The following ZFPM2 variants were observed in gnomAD, a reference collection of about 807,000 sequenced individuals.
ZFPM2 encodes zinc finger protein ZFPM2.
ZFPM2 carries 20 observed loss-of-function variants against 98.6 expected under a neutral mutation model. The observed-to-expected ratio is 0.20, with a 90% confidence interval of 0.14 to 0.29. The LOEUF is 0.29. Among genes scored for constraint, ZFPM2 ranks in the 10% least tolerant of loss-of-function variants. The pLI is 1.00. For synonymous variants in ZFPM2, 518 were observed against 502.7 expected, an observed-to-expected ratio of 1.03 and a Z score of -0.41; for missense variants, 1,310 against 1,388.6, an observed-to-expected ratio of 0.94 and a Z score of 0.90.
chr8:105,611,440 T>C (rs992155499), intron 4 of ZFPM2, among the ~76,000 whole-genome samples: 1 of 152,098 alleles, frequency 6.6e-6, no homozygotes, highest in African/African-American at 2.4e-5. Flanking sequence ...GGCTTTATGG[T>C]GAAAAAGAGA....
chr8:105,574,110 T>G (rs369370406), intron 4 of ZFPM2, among the ~76,000 whole-genome samples: 49 of 152,338 alleles, frequency 3.2e-4, no homozygotes, highest in South Asian at 1.9e-3. Flanking sequence ...TCTTTTCTCT[T>G]CTGTTCTCTC....
At chr8:105,446,037 C>T (rs548369761) in intron 3 of ZFPM2, among the ~76,000 whole-genome samples, 4 of 152,174 alleles carry the variant, frequency 2.6e-5, no homozygotes, top group Non-Finnish European at 4.4e-5. Context: ...TCTCCTGCCT[C>T]AGCCTCCCAA....
chr8:105,714,953 T>G (rs1401406443), intron 5 of ZFPM2, among the ~76,000 whole-genome samples: 2 of 152,136 alleles, frequency 1.3e-5, no homozygotes, highest in Non-Finnish European at 2.9e-5. Flanking sequence ...ATAAAGAAGT[T>G]GCTTATACCA....
At position 105,563,195 on chromosome 8, in the gene ZFPM2, A is replaced by G. The variant is rs75306909; in HGVS notation, c.420+1714A>G. ...CATTACATTCCTTTTTTGATTTATTACATGAAGGAAATCCCTTCTTCAAGT... is the reference window on the plus strand; with the variant it reads ...CATTACATTCCTTTTTTGATTTATTGCATGAAGGAAATCCCTTCTTCAAGT... On this transcript the variant is annotated intron_variant, in intron 4 of 7. Coordinates refer to ENST00000407775, the MANE Select transcript of ZFPM2 (RefSeq NM_012082.4). Among the ~76,000 whole-genome samples, 1,245 of 152,302 alleles carry G rather than the reference A, an allele frequency of 8.2e-3. 13 individuals are homozygous for G. Among genetic ancestry groups the G allele is most frequent in the African/African-American group, 0.028 (1,159 of 41,564 alleles).
intron 5 of ZFPM2, among the ~76,000 whole-genome samples, chr8:105,751,794 T>TAA (rs78079434): frequency 7.1e-6 from 1 of 139,990 alleles, no homozygotes; most frequent in African/African-American, 2.6e-5. Context: ...GGTAGATTGT[T>TAA]AAAAAAAAAA....
intron 5 of ZFPM2, among the ~76,000 whole-genome samples, chr8:105,755,401 AC>A (rs1812574739): frequency 6.6e-6 from 1 of 152,156 alleles, no homozygotes; most frequent in Admixed American, 6.5e-5. Context: ...TCCACTTGAT[AC>A]CACTTCATGC....
intron 1 of ZFPM2, among the ~76,000 whole-genome samples, chr8:105,415,758 T>C (rs1021477799): frequency 2.6e-5 from 4 of 152,134 alleles, no homozygotes; most frequent in Admixed American, 1.3e-4. Flanking sequence ...TTATGCATTT[T>C]AAAAGAAACC....
chr8:105,678,430 C>T (rs1219669964), intron 5 of ZFPM2: 2 of 152,114 alleles, frequency 1.3e-5, no homozygotes, highest in Non-Finnish European at 2.9e-5. Flanking sequence ...TTATGTTGAC[C>T]AGTCTTGAGC....
chr8:105,793,046 C>T (rs963421293), intron 6 of ZFPM2, among the ~76,000 whole-genome samples: 1 of 144,342 alleles, frequency 6.9e-6, no homozygotes, highest in Admixed American at 6.7e-5. Flanking sequence ...TCCAATTTGC[C>T]AGTCTGTGTC....
At chr8:105,568,960 C>A (rs946291114) in intron 4 of ZFPM2, among the ~76,000 whole-genome samples, 2 of 151,960 alleles carry the variant, frequency 1.3e-5, no homozygotes, top group African/African-American at 4.8e-5. Flanking sequence ...GCTGTTTTAT[C>A]CTCCTGGAAA....
chr8:105,504,533 G>A (rs193090571), intron 3 of ZFPM2, among the ~76,000 whole-genome samples: 6 of 152,200 alleles, frequency 3.9e-5, no homozygotes, highest in Admixed American at 2.6e-4. Flanking sequence ...AGGCCATCGC[G>A]CTTTTTTAGT....
Position 105,665,567 on chromosome 8 carries a change from G to A in ZFPM2, c.532+31210G>A, listed in dbSNP as rs182391676. ...ATGGTTTGAAGATTTACTTATTTTTGTAAAGAATCAAGACAACCTATAAAT... is the reference window on the plus strand; with the variant it reads ...ATGGTTTGAAGATTTACTTATTTTTATAAAGAATCAAGACAACCTATAAAT... On this transcript the variant is annotated intron_variant, in intron 5 of 7. Coordinates refer to ENST00000407775, the MANE Select transcript of ZFPM2 (RefSeq NM_012082.4). Among the ~76,000 whole-genome samples the A allele has an allele frequency of 1.5e-3, 234 of 152,096 alleles. 3 individuals carry two copies. Among genetic ancestry groups the A allele is most frequent in the African/African-American group, 5.3e-3 (221 of 41,430 alleles).
intron 5 of ZFPM2, among the ~76,000 whole-genome samples, chr8:105,755,741 G>T (rs1294309966): frequency 2.0e-5 from 3 of 151,908 alleles, no homozygotes; most frequent in East Asian, 1.9e-4. Flanking sequence ...AAAAACAAGG[G>T]TTTCTAATTT....
rs2131176081 is a variant in ZFPM2, at chr8:105,801,151, C to A, written c.1069C>A (p.His357Asn). 1 of 1,613,944 alleles carries A rather than the reference C, an allele frequency of 6.2e-7. No individual in the cohort carries two copies. Among genetic ancestry groups the A allele is most frequent in the Non-Finnish European group, 8.5e-7 (1 of 1,179,884 alleles). The change falls in exon 8 of 8, where the codon CAT becomes AAT. Residue 357 changes from histidine (H) to asparagine (N), a missense_variant. Coordinates refer to ENST00000407775, the MANE Select transcript of ZFPM2 (RefSeq NM_012082.4). ...VINFHQHLFS[H>N]LTQAAFRCNH... ...CAACTTTCACCAACACCTGTTCTCC[C>A]ATCTCACTCAAGCTGCCTTCCGATG...
At chr8:105,739,442 A>G (rs1314211236) in intron 5 of ZFPM2, among the ~76,000 whole-genome samples, 1 of 151,972 alleles carries the variant, frequency 6.6e-6, no homozygotes, top group Non-Finnish European at 1.5e-5. Context: ...GCTATTCCTA[A>G]TGTTCAGTAA....
intron 5 of ZFPM2, among the ~76,000 whole-genome samples, chr8:105,729,533 A>G (rs1387381278): frequency 6.6e-6 from 1 of 151,674 alleles, no homozygotes; most frequent in African/African-American, 2.4e-5. Flanking sequence ...ATATTCCTAC[A>G]TGTTTTCTTT....
At chr8:105,402,296 G>A (rs570926964) in intron 1 of ZFPM2, among the ~76,000 whole-genome samples, 1 of 151,964 alleles carries the variant, frequency 6.6e-6, no homozygotes, top group East Asian at 1.9e-4. Flanking sequence ...TCAATTAAAT[G>A]TATTCTGTTC....
chr8:105,620,770 A>T (rs1031161053), intron 4 of ZFPM2, among the ~76,000 whole-genome samples: 68 of 152,288 alleles, frequency 4.5e-4, no homozygotes, highest in African/African-American at 1.6e-3. Context: ...TTTTCCCAGC[A>T]CCATTTATTA....
At chr8:105,423,338 C>T (rs1225032342) in intron 2 of ZFPM2, among the ~76,000 whole-genome samples, 1 of 152,140 alleles carries the variant, frequency 6.6e-6, no homozygotes, top group Non-Finnish European at 1.5e-5. Context: ...TTGCACATTT[C>T]ATGTTCCTAT....
Sources: gnomAD v4.1 joint callset for allele counts (sites outside exome capture counted in the v4.1 genomes callset) on GRCh38, gnomAD v4.1.1 for gene constraint, MANE v1.5 for transcripts, NCBI Gene and HGNC (gene_info 2026-07-23, HGNC 2026-07-21) for gene names.